The following PTPRR variants were observed in gnomAD, a reference collection of about 807,000 sequenced individuals.
The protein encoded by PTPRR is protein tyrosine phosphatase receptor type R.
In PTPRR, 38 loss-of-function variants were observed where a neutral mutation model predicts 77.2. The observed-to-expected ratio is 0.49, with a 90% CI of 0.38 to 0.65. The LOEUF (loss-of-function observed/expected upper bound fraction) is 0.65, where lower values mean the gene tolerates loss of function less well. PTPRR is among the 30% of genes least tolerant of loss of function. The pLI is 0.00. For missense variants in PTPRR, 744 were observed against 799.2 expected (o/e 0.93, Z 0.83); for synonymous variants, 299 against 283.1 (o/e 1.06, Z -0.57).
chr12:70,836,535 A>G (rs770915400), intron 2 of PTPRR, among the ~76,000 whole-genome samples: 3 of 151,906 alleles, frequency 2.0e-5, no homozygotes, highest in Non-Finnish European at 2.9e-5. Context: ...ATGATCAACC[A>G]TACCCCATGT....
At chr12:70,722,830 G>A (rs1010894484) in intron 6 of PTPRR, among the ~76,000 whole-genome samples, 1 of 152,096 alleles carries the variant, frequency 6.6e-6, no homozygotes, top group East Asian at 1.9e-4. Context: ...GCCACCCGCC[G>A]TCATAAAGAA....
At chr12:70,856,784 G>T (rs1565719913) in intron 2 of PTPRR, among the ~76,000 whole-genome samples, 1 of 151,194 alleles carries the variant, frequency 6.6e-6, no homozygotes, top group Non-Finnish European at 1.5e-5. Context: ...AGAAAGCAAG[G>T]ATAGAGAGGG....
intron 2 of PTPRR, among the ~76,000 whole-genome samples, chr12:70,850,841 C>T (rs925000905): frequency 2.6e-5 from 4 of 152,118 alleles, no homozygotes; most frequent in Non-Finnish European, 4.4e-5. Flanking sequence ...AGATGCTGTC[C>T]CTACATTGCT....
Position 70,892,979 on chromosome 12 carries a change from T to G in PTPRR, c.59-2A>C. The G allele has an allele frequency of 6.2e-7, 1 of 1,611,374 alleles. No homozygotes were observed. Among genetic ancestry groups the G allele is most frequent in the Non-Finnish European group, 8.5e-7 (1 of 1,178,462 alleles). On this transcript the variant is annotated splice_acceptor_variant, in intron 1 of 13. Coordinates refer to ENST00000283228, the MANE Select transcript of PTPRR (RefSeq NM_002849.4). LOFTEE classifies it high-confidence loss of function. ...GATCATTGTTTCCTGAAAAGCACCC[T>G]GAAAGAGGGAAGAAGCAGAAACAAT...
chr12:70,845,143 G>A (rs1217177043), intron 2 of PTPRR, among the ~76,000 whole-genome samples: 1 of 152,148 alleles, frequency 6.6e-6, no homozygotes, highest in Non-Finnish European at 1.5e-5. Flanking sequence ...CAGATCTTAT[G>A]GGCTGCAGAT....
chr12:70,772,941 A>G (rs1177337771), intron 2 of PTPRR, among the ~76,000 whole-genome samples: 1 of 152,150 alleles, frequency 6.6e-6, no homozygotes, highest in Non-Finnish European at 1.5e-5. Context: ...GTCTGAATCA[A>G]AGTGTCAGTG....
At chr12:70,797,391 T>C (rs1395281483) in intron 2 of PTPRR, among the ~76,000 whole-genome samples, 1 of 152,170 alleles carries the variant, frequency 6.6e-6, no homozygotes, top group African/African-American at 2.4e-5. Context: ...AGTTTCTCCT[T>C]CACTACTGGG....
intron 2 of PTPRR, among the ~76,000 whole-genome samples, chr12:70,776,132 A>G (rs1039995524): frequency 6.6e-6 from 1 of 152,074 alleles, no homozygotes; most frequent in African/African-American, 2.4e-5. Flanking sequence ...TCCTATCCAC[A>G]ATCAAATTTG....
intron 13 of PTPRR, among the ~76,000 whole-genome samples, chr12:70,654,594 G>A (rs1254147727): frequency 6.6e-6 from 1 of 152,108 alleles, no homozygotes; most frequent in African/African-American, 2.4e-5. Context: ...TAGGTCATAG[G>A]GCTGAAGCTC....
intron 1 of PTPRR, among the ~76,000 whole-genome samples, chr12:70,898,448 C>T (rs1893473463): frequency 6.7e-6 from 1 of 149,264 alleles, no homozygotes. Flanking sequence ...ATCATTTAGT[C>T]TTTTTTTAAC....
intron 8 of PTPRR, among the ~76,000 whole-genome samples, chr12:70,691,572 A>G (rs1291766963): frequency 6.6e-6 from 1 of 152,126 alleles, no homozygotes; most frequent in Admixed American, 6.6e-5. Context: ...CCTCATTTAT[A>G]GTCCAGCTTT....
intron 2 of PTPRR, among the ~76,000 whole-genome samples, chr12:70,820,373 A>C (rs1167435703): frequency 1.3e-5 from 2 of 152,126 alleles, no homozygotes; most frequent in African/African-American, 4.8e-5. Context: ...TCTGTCGCCC[A>C]GGCTGGAGTG....
At chr12:70,657,426 C>T (rs1224221320) in intron 12 of PTPRR, among the ~76,000 whole-genome samples, 1 of 152,190 alleles carries the variant, frequency 6.6e-6, no homozygotes, top group Non-Finnish European at 1.5e-5. Context: ...GATAATTGAA[C>T]AGAAATGATG....
chr12:70,919,248 C>T (rs1309735278), intron 1 of PTPRR, among the ~76,000 whole-genome samples: 1 of 152,142 alleles, frequency 6.6e-6, no homozygotes, highest in Non-Finnish European at 1.5e-5. Flanking sequence ...ATACACTCAG[C>T]AAATGTTGCT....
intron 2 of PTPRR, among the ~76,000 whole-genome samples, chr12:70,885,718 T>G (rs563966958): frequency 1.2e-5 from 1 of 82,238 alleles, no homozygotes; most frequent in East Asian, 3.5e-4. Flanking sequence ...GTATTTTTAG[T>G]AGAGATGGGG....
chr12:70,803,083 A>C (rs1891644949), intron 2 of PTPRR, among the ~76,000 whole-genome samples: 1 of 152,194 alleles, frequency 6.6e-6, no homozygotes, highest in Non-Finnish European at 1.5e-5. Context: ...TTTAGAAAGA[A>C]TATTTACCAT....
At chr12:70,892,561 G>A (rs1893355707) in intron 2 of PTPRR, 118 bp downstream of exon 2, 11 of 1,188,694 alleles carry the variant, frequency 9.3e-6, no homozygotes, top group African/African-American at 1.5e-5. Flanking sequence ...AAGTGCTGTG[G>A]TACATACCCG....
At position 70,744,306 on chromosome 12, in the gene PTPRR, A is replaced by G. The variant is rs892728727; in HGVS notation, c.1007+1512T>C. 7.2e-5 allele frequency among the ~76,000 whole-genome samples: 11 copies of G among 152,250 alleles called. 1 individual carries two copies. In the South Asian group the frequency reaches 2.3e-3, roughly 32 times the overall value. ...CAGTTAGCCTTAGGGAGAAAGTTCC[A>G]TTTTCTCTACCTTTCCACACTGAAT... On this transcript the variant is annotated intron_variant, in intron 6 of 13. Coordinates refer to ENST00000283228, the MANE Select transcript of PTPRR (RefSeq NM_002849.4).
chr12:70,776,523 C>T (rs559972992), intron 2 of PTPRR, among the ~76,000 whole-genome samples: 1 of 152,132 alleles, frequency 6.6e-6, no homozygotes, highest in Non-Finnish European at 1.5e-5. Flanking sequence ...CTTAACTCCT[C>T]CATTCACCAA....
Sources: gnomAD v4.1 joint callset for allele counts (sites outside exome capture counted in the v4.1 genomes callset) on GRCh38, gnomAD v4.1.1 for gene constraint, MANE v1.5 for transcripts, NCBI Gene and HGNC (gene_info 2026-07-23, HGNC 2026-07-21) for gene names.